NINJ1: variants seen among roughly 807,000 people sequenced by gnomAD.
NINJ1 encodes the protein ninjurin 1.
In NINJ1, 6 loss-of-function variants were observed where a neutral mutation model predicts 12.7. The ratio of observed to expected loss-of-function variants is 0.47; its 90% CI spans 0.26 to 0.93. The LOEUF is 0.93. NINJ1 is among the 40% of genes least tolerant of loss of function. NINJ1 has a pLI of 0.15. For missense variants in NINJ1, 170 were observed against 213.0 expected, an observed-to-expected ratio of 0.80 and a Z score of 1.26; for synonymous variants, 100 against 96.0, an observed-to-expected ratio of 1.04 and a Z score of -0.25.
intron 1 of NINJ1, 88 bp from the exon 2 acceptor site, chr9:93,126,726 G>T: frequency 2.1e-6 from 2 of 962,186 alleles, no homozygotes; most frequent in Non-Finnish European, 3.1e-6. Context: ...ACCGGGCCCT[G>T]CAGGTGAGGG....
chr9:93,126,511 AC>A lies in NINJ1; in HGVS notation c.202del (p.Val68TrpfsTer64). The A allele has an allele frequency of 6.2e-7, 1 of 1,614,160 alleles. No homozygotes were observed. Among genetic ancestry groups the A allele is most frequent in the Non-Finnish European group, 8.5e-7 (1 of 1,180,016 alleles). On this transcript the variant is annotated frameshift_variant, in exon 2 of 4. Transcript: ENST00000375446. LOFTEE classifies it high-confidence loss of function. ...MANASQLKAVVEQGPSFAFYV... is the reference protein window; with the variant it reads ...MANASQLKAVXEQGPSFAFYV... ...GAAGGCGAAGCTGGGGCCCTGTTCCACGACGGCCTTCAGCTGGGACGCGTTG... is the reference window on the plus strand; with the variant it reads ...GAAGGCGAAGCTGGGGCCCTGTTCCAGACGGCCTTCAGCTGGGACGCGTTG...
At chr9:93,131,402 A>G (rs1022155350) in intron 1 of NINJ1, 1 of 152,272 alleles carries the variant, frequency 6.6e-6, no homozygotes, top group Non-Finnish European at 1.5e-5. Context: ...GAAAGCGGAA[A>G]TGAGGAAACG....
At chr9:93,131,126 G>A (rs1220125882) in intron 1 of NINJ1, among the ~76,000 whole-genome samples, 1 of 152,258 alleles carries the variant, frequency 6.6e-6, no homozygotes, top group African/African-American at 2.4e-5. Flanking sequence ...CAGACAGGCA[G>A]GGCCTGGCAC....
At chr9:93,128,364 C>T (rs1827843199) in intron 1 of NINJ1, among the ~76,000 whole-genome samples, 1 of 152,238 alleles carries the variant, frequency 6.6e-6, no homozygotes, top group Admixed American at 6.5e-5. Flanking sequence ...TCCCATTCTA[C>T]AGACCAGCAG....
Position 93,122,194 on chromosome 9 carries a change from G to T in NINJ1, c.*46C>A. On this transcript the variant is annotated 3_prime_UTR_variant, in exon 4 of 4. Coordinates refer to ENST00000375446, the MANE Select transcript of NINJ1 (RefSeq NM_004148.4). Reference sequence around the variant, plus strand: ...CACAGGTATGGCGACTCCTGGGGTCGGGCAGCTGAGTTGCAGGGCAGGCAA... The same window carrying T: ...CACAGGTATGGCGACTCCTGGGGTCTGGCAGCTGAGTTGCAGGGCAGGCAA... The T allele has an allele frequency of 6.5e-6, 1 of 153,318 alleles. No homozygotes were observed. The highest frequency in any genetic ancestry group is 1.5e-5 in the Non-Finnish European group (1 of 68,790). The allele number at this position is 153,318 out of a possible 1,614,324, so 9.5% of individuals were successfully genotyped here. A position where few individuals can be genotyped will look rare whatever the true frequency, so the allele number is the denominator to read the frequency against.
intron 3 of NINJ1, among the ~76,000 whole-genome samples, chr9:93,124,092 C>T (rs1827774523): frequency 1.3e-5 from 2 of 152,218 alleles, no homozygotes; most frequent in African/African-American, 2.4e-5. Flanking sequence ...AAGGGCTCCA[C>T]GTGACAAGAT....
intron 1 of NINJ1, 69 bp from the exon 2 acceptor site, chr9:93,126,707 C>T: frequency 7.7e-7 from 1 of 1,290,472 alleles, no homozygotes; most frequent in Non-Finnish European, 1.1e-6. Flanking sequence ...GAGTCGGGCT[C>T]TGGGGGTCAC....
chr9:93,134,235 C>A lies in NINJ1; in HGVS notation c.-18G>T, dbSNP rs551000192. On this transcript the variant is annotated 5_prime_UTR_variant, in exon 1 of 4. Transcript: ENST00000375446. The stretch of plus-strand genomic sequence containing the variant: ...GAGTCCATGGTGCGGCCGCCCAGGC[C>A]GCCAGGATCCGGGCCTGAGCGCGCC... The A allele has an allele frequency of 1.4e-6, 2 of 1,461,808 alleles. No homozygotes were observed. Among genetic ancestry groups the A allele is most frequent in the East Asian group, 2.8e-5 (1 of 35,196 alleles). 90.6% of individuals were successfully genotyped at this position (1,461,808 alleles called of 1,614,324 possible).
intron 3 of NINJ1, among the ~76,000 whole-genome samples, chr9:93,123,345 C>T (rs1169095649): frequency 6.6e-6 from 1 of 151,972 alleles, no homozygotes; most frequent in Non-Finnish European, 1.5e-5. Flanking sequence ...AGTGCAATGG[C>T]GTGATCTCAG....
chr9:93,133,632 C>T (rs1051373819), intron 1 of NINJ1, among the ~76,000 whole-genome samples: 2 of 152,228 alleles, frequency 1.3e-5, no homozygotes, highest in East Asian at 3.9e-4. Context: ...CCAAGTTCCC[C>T]CATCAAGGCA....
At chr9:93,125,450 C>T (rs972943666) in intron 2 of NINJ1, 11 of 158,230 alleles carry the variant, frequency 7.0e-5, no homozygotes, top group African/African-American at 2.2e-4. Context: ...AAGTGAGGCC[C>T]GGGAGGTTCA....
chr9:93,125,091 CAAGGG>C (rs1179945868), intron 2 of NINJ1, 29 bp from the exon 3 acceptor site: 2 of 1,593,084 alleles, frequency 1.3e-6, no homozygotes, highest in Non-Finnish European at 1.7e-6. Context: ...TGGATGGTGC[CAAGGG>C]CAGCCCAGAC....
intron 3 of NINJ1, among the ~76,000 whole-genome samples, chr9:93,123,219 G>A (rs1362725937): frequency 6.6e-6 from 1 of 152,172 alleles, no homozygotes; most frequent in African/African-American, 2.4e-5. Flanking sequence ...CCAGGTGGAT[G>A]CAGGGTGCTC....
At chr9:93,126,247 G>A in intron 2 of NINJ1, 163 bp downstream of exon 2, 1 of 582,078 alleles carries the variant, frequency 1.7e-6, no homozygotes, top group Non-Finnish European at 3.0e-6. Context: ...TGGGGGGAGG[G>A]GGGGTGCCAC....
At chr9:93,132,192 T>G (rs559209013) in intron 1 of NINJ1, among the ~76,000 whole-genome samples, 1 of 152,220 alleles carries the variant, frequency 6.6e-6, no homozygotes, top group South Asian at 2.1e-4. Context: ...GGTCTTGAGG[T>G]TGGGAAGAGG....
intron 1 of NINJ1, among the ~76,000 whole-genome samples, chr9:93,130,277 A>G (rs779462157): frequency 1.3e-5 from 2 of 152,086 alleles, no homozygotes; most frequent in Non-Finnish European, 1.5e-5. Context: ...CAGGCTGCAC[A>G]TGTTGGGGCT....
chr9:93,130,891 G>C (rs542872563), intron 1 of NINJ1, among the ~76,000 whole-genome samples: 1 of 152,332 alleles, frequency 6.6e-6, no homozygotes, highest in East Asian at 1.9e-4. Context: ...CCTGCCCTGG[G>C]TGCCTGGGGG....
At chr9:93,123,573 C>G (rs143384326) in intron 3 of NINJ1, among the ~76,000 whole-genome samples, 1 of 152,298 alleles carries the variant, frequency 6.6e-6, no homozygotes, top group South Asian at 2.1e-4. Context: ...TGTGAGCCAC[C>G]GTGCCTGGCC....
intron 3 of NINJ1, among the ~76,000 whole-genome samples, chr9:93,123,104 G>A (rs932701268): frequency 6.6e-6 from 1 of 152,232 alleles, no homozygotes; most frequent in Non-Finnish European, 1.5e-5. Context: ...GGGCTGGCGT[G>A]ATCCCACTGG....
Sources: allele counts gnomAD v4.1 joint callset (sites outside exome capture counted in the v4.1 genomes callset), GRCh38; gene constraint gnomAD v4.1.1; transcripts MANE v1.5; gene names NCBI Gene and HGNC (gene_info 2026-07-23, HGNC 2026-07-21).